Variants in NLE1 observed in about 807,000 individuals in gnomAD.
The protein encoded by NLE1 is notchless homolog 1, also known as notchless protein homolog 1.
A neutral mutation model predicts 62.8 loss-of-function variants in NLE1; 37 were observed. The ratio of observed to expected loss-of-function variants is 0.59; its 90% CI spans 0.45 to 0.78. The LOEUF (loss-of-function observed/expected upper bound fraction) is 0.78. NLE1 is among the 30% of genes least tolerant of loss of function. The pLI, the probability that NLE1 is intolerant of heterozygous loss-of-function variation, is 0.00. For synonymous variants in NLE1, 243 were observed against 253.0 expected (o/e 0.96, Z 0.37); for missense variants, 555 against 637.9 (o/e 0.87, Z 1.40).
rs2091932496 is a variant in NLE1 at position 35,139,935 on chromosome 17, G to C, written c.294C>G (p.Phe98Leu). The C allele has an allele frequency of 6.2e-7, 1 of 1,614,084 alleles. No individual in the cohort carries two copies. Among genetic ancestry groups the C allele is most frequent in the South Asian group, 1.1e-5 (1 of 91,084 alleles). ...LDIIYQPQAI[F>L]RVRAVTRCTS... ...TGCAGCGAGTCACAGCCCGGACTCT[G>C]AAGATAGCCTGTGGCTGGTAGATGA... Residue 98 changes from phenylalanine (F) to leucine (L), a missense_variant, in exon 3 of 13, where the codon TTC becomes TTG. Coordinates refer to ENST00000442241, the MANE Select transcript of NLE1 (RefSeq NM_018096.5).
chr17:35,135,442 G>C lies in NLE1; in HGVS notation c.1021C>G (p.Pro341Ala). Reference protein sequence around the residue: ...SRYNLVRGQGPERLVSGSDDF... With the variant: ...SRYNLVRGQGAERLVSGSDDF... ...TCGGAGCCAGACACCAGCCTCTCTG[G>C]ACCCTGGCCCTAGGGGAGGCAGAAA... Residue 341 changes from proline (P) to alanine (A), a missense_variant, in exon 10 of 13, where the codon CCA (proline) becomes GCA (alanine). Transcript: ENST00000442241. The C allele has an allele frequency of 6.2e-7, 1 of 1,614,022 alleles. No individual in the cohort carries two copies. Among genetic ancestry groups the C allele is most frequent in the Non-Finnish European group, 8.5e-7 (1 of 1,179,948 alleles).
At chr17:35,133,277 A>T in intron 11 of NLE1, 36 bp from the exon 12 acceptor site, 1 of 1,614,030 alleles carries the variant, frequency 6.2e-7, no homozygotes, top group Non-Finnish European at 8.5e-7. Flanking sequence ...TGGGGTGGTG[A>T]GAGGGAGACA....
chr17:35,134,183 G>A (rs1014111779), intron 10 of NLE1, among the ~76,000 whole-genome samples: 1 of 152,146 alleles, frequency 6.6e-6, no homozygotes, highest in African/African-American at 2.4e-5. Flanking sequence ...TTAAAATGAA[G>A]AATCAGATCC....
rs765205210 is a variant in NLE1 at position 35,135,403 on chromosome 17, A to G, written c.1060T>C (p.Phe354Leu). ...TTGTCCTCTGCTGGGGACCACAGGA[A>G]TAAGGTGAAGTCGTCGGAGCCAGAC... ...LVSGSDDFTL[F>L]LWSPAEDKKP... The change falls in exon 10 of 13, where the codon TTC becomes CTC. Residue 354 changes from phenylalanine (F) to leucine (L), a missense_variant. Phe to Leu is a conservative substitution (Grantham distance 22, BLOSUM62 0). Transcript: ENST00000442241. The G allele has an allele frequency of 2.5e-5, 40 of 1,614,222 alleles. No individual in the cohort carries two copies. The South Asian group carries it at 4.3e-4, about 17-fold the overall frequency.
In NLE1 at chr17:35,130,360, C is replaced by T. The variant is rs537116877; in HGVS notation, c.*2077G>A. On this transcript the variant is annotated 3_prime_UTR_variant, in exon 13 of 13. Transcript: ENST00000442241. The stretch of plus-strand genomic sequence containing the variant: ...GATCACCGTGCGGCGCAAGGAACCC[C>T]GGCAAAAGATCGTGTCCATCGGGCC... 1.9e-5 allele frequency: 31 copies of T among 1,614,140 alleles called. No homozygotes were observed. Among genetic ancestry groups the T allele is most frequent in the South Asian group, 4.4e-5 (4 of 91,086 alleles).
chr17:35,136,142 G>A, intron 9 of NLE1, 27 bp downstream of exon 9: 1 of 1,613,108 alleles, frequency 6.2e-7, no homozygotes, highest in Non-Finnish European at 8.5e-7. Context: ...ACAGAGCTAG[G>A]GGTGCACGTG....
chr17:35,134,783 G>A (rs1179777040), intron 10 of NLE1, among the ~76,000 whole-genome samples: 2 of 152,262 alleles, frequency 1.3e-5, no homozygotes, highest in South Asian at 4.1e-4. Flanking sequence ...TGGGCATGGC[G>A]GCTCACACCT....
chr17:35,130,064 G>A lies in NLE1; in HGVS notation c.*2373C>T. ...TAGGGGTATGGGGGTATAGAGGCCT[G>A]AGTACAGACAGCCCTTTGGTTGGAA... On this transcript the variant is annotated 3_prime_UTR_variant, in exon 13 of 13. Coordinates refer to ENST00000442241, the MANE Select transcript of NLE1 (RefSeq NM_018096.5). 2.8e-6 allele frequency: 4 copies of A among 1,415,392 alleles called. No homozygotes were observed. The highest frequency in any genetic ancestry group is 1.6e-5 in the South Asian group (1 of 63,974). The allele number at this position is 1,415,392 out of a possible 1,614,324, so 87.7% of individuals were successfully genotyped here.
chr17:35,137,488 G>C (rs941246995), intron 6 of NLE1, 55 bp downstream of exon 6: 5 of 1,424,154 alleles, frequency 3.5e-6, no homozygotes, highest in Non-Finnish European at 4.9e-6. Context: ...GGCAGGGAAA[G>C]GGGATGGCTT....
chr17:35,135,792 G>C (rs1488746692), intron 9 of NLE1, among the ~76,000 whole-genome samples: 1 of 152,184 alleles, frequency 6.6e-6, no homozygotes, highest in African/African-American at 2.4e-5. Context: ...ACACGTGTCT[G>C]TATATTAAAT....
At position 35,136,991 on chromosome 17, in the gene NLE1, C is replaced by G; in HGVS notation, c.828+10G>C. 1 of 1,586,418 alleles carries G rather than the reference C, an allele frequency of 6.3e-7. No homozygotes were observed. The highest frequency in any genetic ancestry group is 8.6e-7 in the Non-Finnish European group (1 of 1,159,982). On this transcript the variant is annotated intron_variant, in intron 7 of 12. Coordinates refer to ENST00000442241, the MANE Select transcript of NLE1 (RefSeq NM_018096.5). ...TTCTGGACTGGTTTCTGAACCCTCC[C>G]AGCACTTACGTCATGAGCTCTCCAG...
chr17:35,130,495 C>T lies in NLE1; in HGVS notation c.*1942G>A. ...AGCTTCAACCCCAGGCCCTCAGAAACCAGAGCCATGAGACCTACCATACCA... is the reference window on the plus strand; with the variant it reads ...AGCTTCAACCCCAGGCCCTCAGAAATCAGAGCCATGAGACCTACCATACCA... On this transcript the variant is annotated 3_prime_UTR_variant, in exon 13 of 13. Transcript: ENST00000442241. The T allele has an allele frequency of 6.4e-7, 1 of 1,555,288 alleles. No homozygotes were observed. Among genetic ancestry groups the T allele is most frequent in the Non-Finnish European group, 8.7e-7 (1 of 1,143,270 alleles).
At chr17:35,136,263 G>C (rs766117285) in intron 8 of NLE1, 48 bp from the exon 9 acceptor site, 1 of 1,612,774 alleles carries the variant, frequency 6.2e-7, no homozygotes, top group African/African-American at 1.3e-5. Context: ...GAAGAAGGCC[G>C]ATAAGAAAAT....
chr17:35,135,482 G>A (rs564965788), intron 9 of NLE1, 31 bp from the exon 10 acceptor site: 2 of 1,607,066 alleles, frequency 1.2e-6, no homozygotes, highest in South Asian at 1.1e-5. Context: ...ACTGTGTTGG[G>A]TGTGGTCTCA....
intron 6 of NLE1, 81 bp downstream of exon 6, chr17:35,137,462 A>G (rs1201180502): frequency 8.2e-7 from 1 of 1,215,168 alleles, no homozygotes; most frequent in East Asian, 2.5e-5. Flanking sequence ...CCCTCACGTA[A>G]AACTTCTATG....
At chr17:35,138,046 C>T (rs1410265261) in intron 4 of NLE1, among the ~76,000 whole-genome samples, 156 bp from the exon 5 acceptor site, 3 of 152,172 alleles carry the variant, frequency 2.0e-5, no homozygotes, top group Admixed American at 6.5e-5. Context: ...GGATAGAATG[C>T]ACCCCAAGTG....
rs1269512738 is a variant in NLE1 at position 35,131,893 on chromosome 17, T to C, written c.*544A>G. 4 of 152,242 alleles carry C rather than the reference T, an allele frequency of 2.6e-5. No homozygotes were observed. Among genetic ancestry groups the C allele is most frequent in the Non-Finnish European group, 5.9e-5 (4 of 68,074 alleles). 9.4% of individuals were successfully genotyped at this position (152,242 alleles called of 1,614,324 possible). On this transcript the variant is annotated 3_prime_UTR_variant, in exon 13 of 13. Transcript: ENST00000442241. ...AGCCCTAGATTCTCCTTGGCCACTA[T>C]CACAACTGGCCTCTCTCTTACCAAC...
chr17:35,134,223 C>A (rs534708975), intron 10 of NLE1, among the ~76,000 whole-genome samples: 89 of 152,278 alleles, frequency 5.8e-4, no homozygotes, highest in African/African-American at 2.1e-3. Context: ...CAGGACTCTG[C>A]ATTTCTATCA....
At chr17:35,140,654 G>T (rs2091937883) in intron 2 of NLE1, among the ~76,000 whole-genome samples, 1 of 149,474 alleles carries the variant, frequency 6.7e-6, no homozygotes, top group Admixed American at 6.7e-5. Flanking sequence ...GCAGTGGTGA[G>T]ATCTCAGCTC....
Sources: allele counts gnomAD v4.1 joint callset (sites outside exome capture counted in the v4.1 genomes callset), GRCh38; gene constraint gnomAD v4.1.1; transcripts MANE v1.5; gene names NCBI Gene and HGNC (gene_info 2026-07-23, HGNC 2026-07-21).